Variants in GOLGA8J observed in about 807,000 individuals in gnomAD.
The protein encoded by GOLGA8J is golgin A8 family member J, also known as golgin subfamily A member 8J.
In GOLGA8J, 19 loss-of-function variants were observed where a neutral mutation model predicts 67.7. The observed-to-expected ratio is 0.28, with a 90% confidence interval of 0.20 to 0.41. The LOEUF (loss-of-function observed/expected upper bound fraction) is 0.41, where lower values mean the gene tolerates loss of function less well. Among genes scored for constraint, GOLGA8J ranks in the 10% least tolerant of loss-of-function variants. GOLGA8J has a pLI of 1.00. For missense variants in GOLGA8J, 205 were observed against 584.3 expected (o/e 0.35, Z 6.69); for synonymous variants, 69 against 215.9 (o/e 0.32, Z 5.97).
Position 30,095,047 on chromosome 15 carries a change from T to C in GOLGA8J, c.*1548T>C, listed in dbSNP as rs1160632952. On this transcript the variant is annotated 3_prime_UTR_variant, in exon 19 of 19. Transcript: ENST00000567927. ...CATATTTTGTGCAATATTTATGTGATTGTGCCTATGCATGATGAATGAATA... is the reference window on the plus strand; with the variant it reads ...CATATTTTGTGCAATATTTATGTGACTGTGCCTATGCATGATGAATGAATA... Among the ~76,000 whole-genome samples the C allele has an allele frequency of 1.4e-5, 2 of 147,224 alleles. No individual in the cohort carries two copies. Among genetic ancestry groups the C allele is most frequent in the African/African-American group, 2.6e-5 (1 of 38,034 alleles).
In GOLGA8J at chr15:30,092,039, C is replaced by G. The variant is rs1478034136; in HGVS notation, c.1277-3C>G. On this transcript the variant is annotated splice_region_variant and splice_polypyrimidine_tract_variant and intron_variant, in intron 14 of 18. Transcript: ENST00000567927. Reference sequence around the variant, plus strand: ...TGAAGACCCGTCTGACCACCCCCCACAGGACACGGAGGAGAACATCTGGAC... The same window carrying G: ...TGAAGACCCGTCTGACCACCCCCCAGAGGACACGGAGGAGAACATCTGGAC... The G allele has an allele frequency of 1.3e-6, 2 of 1,598,406 alleles. 1 individual carries two copies. The highest frequency in any genetic ancestry group is 4.5e-5 in the East Asian group (2 of 44,082).
chr15:30,089,478 AGTCTCAGT>A (rs1185925305), intron 11 of GOLGA8J, among the ~76,000 whole-genome samples, 155 bp downstream of exon 11: 1 of 132,828 alleles, frequency 7.5e-6, no homozygotes. Flanking sequence ...CATCTCAATG[AGTCTCAGT>A]GTCTCAGTGT....
At chr15:30,089,531 C>T (rs548185081) in intron 11 of GOLGA8J, among the ~76,000 whole-genome samples, 169 bp from the exon 12 acceptor site, 2 of 137,034 alleles carry the variant, frequency 1.5e-5, no homozygotes, top group Admixed American at 6.9e-5. Flanking sequence ...GTCAGCCACC[C>T]GCAGTGCTCT....
In GOLGA8J at chr15:30,089,263, C is replaced by G; in HGVS notation, c.814C>G (p.Gln272Glu). 1.8e-6 allele frequency: 1 copy of G among 568,984 alleles called. No homozygotes were observed. Among genetic ancestry groups the G allele is most frequent in the Non-Finnish European group, 2.9e-6 (1 of 347,716 alleles). The allele number at this position is 568,984 out of a possible 1,614,324, so 35.2% of individuals were successfully genotyped here. A position where few individuals can be genotyped will look rare whatever the true frequency, so the allele number is the denominator to read the frequency against. Residue 272 changes from glutamine to glutamate, a missense_variant, in exon 11 of 19, where the codon CAA (glutamine) becomes GAA (glutamate). Physicochemically the swap from Gln to Glu is conservative, Grantham distance 29. Coordinates refer to ENST00000567927, the MANE Select transcript of GOLGA8J (RefSeq NM_001282472.2). ...EICTLKKEKQ[Q>E]DMRRVEKLER... ...TTGCACATTAAAGAAAGAGAAGCAG[C>G]AAGATATGCGTCGGGTAGAGAAGCT...
rs2057463498 is a variant in GOLGA8J at position 30,096,008 on chromosome 15, CTTT to C, written c.*2510_*2512del. Among the ~76,000 whole-genome samples, 2 of 131,568 alleles carry C rather than the reference CTTT, an allele frequency of 1.5e-5. No homozygotes were observed. The highest frequency in any genetic ancestry group is 3.0e-5 in the Non-Finnish European group (2 of 66,516). 86.3% of individuals were successfully genotyped at this position (131,568 alleles called of 152,430 possible). ...GAAATTGTATGACAATAACTCAAGT[CTTT>C]CTCCAAAGTGCATGCAGTCTTTTGC... On this transcript the variant is annotated 3_prime_UTR_variant, in exon 19 of 19. Coordinates refer to ENST00000567927, the MANE Select transcript of GOLGA8J (RefSeq NM_001282472.2).
chr15:30,084,942 G>A lies in GOLGA8J; in HGVS notation c.168+52G>A, dbSNP rs1351204536. ...GGGACAGGGGGCCCAAGGGGCAGTA[G>A]AGGGTAATTGTTAAGATTGTGGATG... On this transcript the variant is annotated intron_variant, in intron 2 of 18. Transcript: ENST00000567927. The A allele has an allele frequency of 4.7e-6, 7 of 1,493,960 alleles. 2 individuals carry two copies. The highest frequency in any genetic ancestry group is 6.1e-6 in the Non-Finnish European group (7 of 1,140,852). The allele number at this position is 1,493,960 out of a possible 1,614,324, so 92.5% of individuals were successfully genotyped here. A position where few individuals can be genotyped will look rare whatever the true frequency, so the allele number is the denominator to read the frequency against.
chr15:30,090,338 C>T lies in GOLGA8J; in HGVS notation c.1200+58C>T. ...GAAGGGCTGGGAGGCGGGCAGCAGC[C>T]TCTTGGGAGGGGAGGTGCCAGGCCA... On this transcript the variant is annotated intron_variant, in intron 13 of 18. Transcript: ENST00000567927. 8 of 1,295,604 alleles carry T rather than the reference C, an allele frequency of 6.2e-6. 1 individual carries two copies. Among genetic ancestry groups the T allele is most frequent in the Non-Finnish European group, 8.5e-6 (8 of 937,496 alleles). The allele number at this position is 1,295,604 out of a possible 1,614,324, so 80.3% of individuals were successfully genotyped here. A position where few individuals can be genotyped will look rare whatever the true frequency, so the allele number is the denominator to read the frequency against.
intron 12 of GOLGA8J, 92 bp from the exon 13 acceptor site, chr15:30,090,119 GC>G: frequency 1.1e-6 from 1 of 908,250 alleles, no homozygotes; most frequent in East Asian, 2.6e-5. Context: ...TTTCTAACCT[GC>G]CTCCAGCCTT....
rs2057444289 is a variant in GOLGA8J, at chr15:30,094,081, CTG to C, written c.*588_*589del. On this transcript the variant is annotated 3_prime_UTR_variant, in exon 19 of 19. Transcript: ENST00000567927. Reference sequence around the variant, plus strand: ...CTGGAAACAGCCTTTCCTCCATTTTCTGTGTGTTGGTGATGGGAGTGATAACC... The same window carrying C: ...CTGGAAACAGCCTTTCCTCCATTTTCTGTGTTGGTGATGGGAGTGATAACC... Among the ~76,000 whole-genome samples the C allele has an allele frequency of 6.8e-6, 1 of 147,348 alleles. No individual in the cohort carries two copies. Among genetic ancestry groups the C allele is most frequent in the Admixed American group, 6.7e-5 (1 of 14,922 alleles).
intron 13 of GOLGA8J, 135 bp downstream of exon 13, chr15:30,090,415 C>A (rs1340306506): frequency 3.9e-6 from 6 of 1,524,492 alleles, no homozygotes; most frequent in Non-Finnish European, 5.3e-6. Context: ...CCAGGGCAGT[C>A]CTGTGACTGT....
chr15:30,087,788 A>C, intron 8 of GOLGA8J, 104 bp downstream of exon 8: 1 of 765,276 alleles, frequency 1.3e-6, no homozygotes, highest in Non-Finnish European at 2.2e-6. Context: ...CCCAGAAGGC[A>C]GCATGGCCAT....
In GOLGA8J at chr15:30,090,445, A is replaced by G. The variant is rs565774584; in HGVS notation, c.1200+165A>G. 227 of 941,088 alleles carry G rather than the reference A, an allele frequency of 2.4e-4. 3 individuals are homozygous for G. Among genetic ancestry groups the G allele is most frequent in the Non-Finnish European group, 2.6e-4 (210 of 793,966 alleles). 58.3% of individuals were successfully genotyped at this position (941,088 alleles called of 1,614,324 possible). A position where few individuals can be genotyped will look rare whatever the true frequency, so the allele number is the denominator to read the frequency against. On this transcript the variant is annotated intron_variant, in intron 13 of 18. Transcript: ENST00000567927. ...GACTGTTTCTTGCTTCCTGCCTCTG[A>G]CTTTTAAAGGTGGGTAGCCCTGGGC...
chr15:30,092,285 A>T (rs1005163900), intron 15 of GOLGA8J, among the ~76,000 whole-genome samples, 152 bp downstream of exon 15: 8 of 142,220 alleles, frequency 5.6e-5, no homozygotes, highest in South Asian at 2.3e-4. Context: ...CCTGTGGCCA[A>T]CAGGTGCACT....
At chr15:30,090,002 G>GGGA (rs1232886324) in intron 12 of GOLGA8J, 46 bp downstream of exon 12, 2 of 1,446,558 alleles carry the variant, frequency 1.4e-6, no homozygotes, top group East Asian at 4.9e-5. Context: ...CTAGACCTCC[G>GGGA]GGCCTTTGTT....
At position 30,092,963 on chromosome 15, in the gene GOLGA8J, G is replaced by T; in HGVS notation, c.1542G>T (p.Gln514His). 1 of 1,471,674 alleles carries T rather than the reference G, an allele frequency of 6.8e-7. No individual in the cohort carries two copies. The allele number at this position is 1,471,674 out of a possible 1,614,324, so 91.2% of individuals were successfully genotyped here. A position where few individuals can be genotyped will look rare whatever the true frequency, so the allele number is the denominator to read the frequency against. ...CGGCACTGGGAGGAGGACACCATCA[G>T]GCTGGAGCTCAGGGAGGAGATGAAG... ...KDAALGGGHH[Q>H]AGAQGGDEGE... Residue 514 changes from glutamine (Q) to histidine (H), a missense_variant, in exon 17 of 19, where the codon CAG becomes CAT. Physicochemically the swap from Gln to His is conservative, Grantham distance 24 (BLOSUM62 0). Transcript: ENST00000567927.
intron 14 of GOLGA8J, 66 bp from the exon 15 acceptor site, chr15:30,091,976 T>C (rs1259833334): frequency 3.1e-5 from 48 of 1,559,352 alleles, no homozygotes; most frequent in East Asian, 7.0e-5. Flanking sequence ...AGGGTGGAGG[T>C]AGAGGTGGGC....
Position 30,096,281 on chromosome 15 carries a change from A to G in GOLGA8J, c.*2782A>G, listed in dbSNP as rs2057466371. Reference sequence around the variant, plus strand: ...CTGATAATTTTCCAGAAATGAAAAAAAAAAATCAGCTCTAAAACCAAAGCT... The same window carrying G: ...CTGATAATTTTCCAGAAATGAAAAAGAAAAATCAGCTCTAAAACCAAAGCT... On this transcript the variant is annotated 3_prime_UTR_variant, in exon 19 of 19. Coordinates refer to ENST00000567927, the MANE Select transcript of GOLGA8J (RefSeq NM_001282472.2). Among the ~76,000 whole-genome samples, 1 of 150,832 alleles carries G rather than the reference A, an allele frequency of 6.6e-6. No homozygotes were observed. The highest frequency in any genetic ancestry group is 6.6e-5 in the Admixed American group (1 of 15,144).
In GOLGA8J at chr15:30,085,013, T is replaced by G. The variant is rs917086620; in HGVS notation, c.168+123T>G. ...GAATTCTGGCTTTAGCCGGGTGTGG[T>G]GGCCCACGCCTGTAATCCTAGCACT... On this transcript the variant is annotated intron_variant, in intron 2 of 18. Coordinates refer to ENST00000567927, the MANE Select transcript of GOLGA8J (RefSeq NM_001282472.2). 270 of 623,852 alleles carry G rather than the reference T, an allele frequency of 4.3e-4. 15 individuals are homozygous for G. Among genetic ancestry groups the G allele is most frequent in the Non-Finnish European group, 6.3e-4 (256 of 406,214 alleles). 38.6% of individuals were successfully genotyped at this position (623,852 alleles called of 1,614,324 possible). A position where few individuals can be genotyped will look rare whatever the true frequency, so the allele number is the denominator to read the frequency against.
At position 30,088,967 on chromosome 15, in the gene GOLGA8J, G is replaced by C. The variant is rs1430122347; in HGVS notation, c.713G>C (p.Arg238Thr). 6.6e-7 allele frequency: 1 copy of C among 1,511,062 alleles called. No homozygotes were observed. The highest frequency in any genetic ancestry group is 2.3e-5 in the East Asian group (1 of 42,786). The allele number at this position is 1,511,062 out of a possible 1,614,324, so 93.6% of individuals were successfully genotyped here. A position where few individuals can be genotyped will look rare whatever the true frequency, so the allele number is the denominator to read the frequency against. ...TCATTTCAACAAGTCCAATTAGAAA[G>C]AGATGAGTATTCTGAACATCTAAAA... ...KESFQQVQLE[R>T]DEYSEHLKGE... Residue 238 changes from arginine (R) to threonine (T), a missense_variant, in exon 10 of 19, where the codon AGA becomes ACA. Arg to Thr is a moderately conservative substitution (Grantham distance 71). Coordinates refer to ENST00000567927, the MANE Select transcript of GOLGA8J (RefSeq NM_001282472.2).
Sources: allele counts gnomAD v4.1 joint callset (sites outside exome capture counted in the v4.1 genomes callset), GRCh38; gene constraint gnomAD v4.1.1; transcripts MANE v1.5; gene names NCBI Gene and HGNC (gene_info 2026-07-23, HGNC 2026-07-21).